SMPD1: variants seen among roughly 807,000 people sequenced by gnomAD.
SMPD1 encodes sphingomyelin phosphodiesterase 1.
A neutral mutation model predicts 49.7 loss-of-function variants in SMPD1; 47 were observed. The observed-to-expected ratio is 0.95, with a 90% CI of 0.75 to 1.21. The LOEUF (loss-of-function observed/expected upper bound fraction) is 1.21. Ranked by LOEUF, SMPD1 falls within the 50% of genes most tolerant of loss-of-function variation. The probability of loss-of-function intolerance (pLI) is 0.00; values close to 1 mark genes in which losing one functional copy is unlikely to be tolerated. For missense variants in SMPD1, 811 were observed against 822.2 expected, an observed-to-expected ratio of 0.99 and a Z score of 0.17; for synonymous variants, 336 against 339.6, an observed-to-expected ratio of 0.99 and a Z score of 0.12.
At chr11:6,392,486 C>CTT (rs754271358) in intron 2 of SMPD1, among the ~76,000 whole-genome samples, 2,831 of 45,720 alleles carry the variant, frequency 0.062, 906 homozygotes, top group Non-Finnish European at 0.074. Flanking sequence ...CTGGCCCTCC[C>CTT]TTTTTTTTTT....
Position 6,390,523 on chromosome 11 carries a change from G to C in SMPD1, c.-76G>C. The C allele has an allele frequency of 6.4e-7, 1 of 1,563,384 alleles. No homozygotes were observed. The highest frequency in any genetic ancestry group is 8.6e-7 in the Non-Finnish European group (1 of 1,156,150). ...AATCGGGTGTCCCCGGCGCCGCCCGGGGCCCTGAGGGCTGGCTAGGGTCCA... is the reference window on the plus strand; with the variant it reads ...AATCGGGTGTCCCCGGCGCCGCCCGCGGCCCTGAGGGCTGGCTAGGGTCCA... On this transcript the variant is annotated 5_prime_UTR_variant, in exon 1 of 6. Coordinates refer to ENST00000342245, the MANE Select transcript of SMPD1 (RefSeq NM_000543.5).
At chr11:6,393,538 C>A in intron 3 of SMPD1, 79 bp from the exon 4 acceptor site, 1 of 1,389,266 alleles carries the variant, frequency 7.2e-7, no homozygotes, top group Non-Finnish European at 1.0e-6. Context: ...TGAAAGCCTT[C>A]ATTCAGTCCC....
chr11:6,390,736 G>A lies in SMPD1; in HGVS notation c.138G>A (p.Ala46=), dbSNP rs200763765. The part of the protein sequence containing the change: ...VLALALALAL[A]LALSDSRVLW... ...CGCTGGCGCTGGCGCTGGCGCTGGC[G>A]CTGGCTCTGTCTGACTCTCGGGTTC... The change falls in exon 1 of 6, where the codon GCG becomes GCA. Residue 46 remains alanine, a synonymous_variant. Transcript: ENST00000342245. 6.6e-7 allele frequency: 1 copy of A among 1,510,794 alleles called. No homozygotes were observed. Among genetic ancestry groups the A allele is most frequent in the Admixed American group, 1.7e-5 (1 of 58,506 alleles). 93.6% of individuals were successfully genotyped at this position (1,510,794 alleles called of 1,614,324 possible). A position where few individuals can be genotyped will look rare whatever the true frequency, so the allele number is the denominator to read the frequency against.
In SMPD1 at chr11:6,391,488, G is replaced by T. The variant is rs1289202083; in HGVS notation, c.423G>T (p.Glu141Asp). The change falls in exon 2 of 6, where the codon GAG (glutamate) becomes GAT (aspartate). Residue 141 changes from glutamate to aspartate, a missense_variant. Transcript: ENST00000342245. ...AVCQSIVHLFEDDMVEVWRRS... is the reference protein window; with the variant it reads ...AVCQSIVHLFDDDMVEVWRRS... ...GCCAATCCATTGTCCACCTCTTTGA[G>T]GATGACATGGTGGAGGTGTGGAGAC... 6.2e-7 allele frequency: 1 copy of T among 1,614,010 alleles called. No homozygotes were observed. Among genetic ancestry groups the T allele is most frequent in the African/African-American group, 1.3e-5 (1 of 75,064 alleles).
chr11:6,392,695 A>G (rs1383190174), intron 2 of SMPD1, among the ~76,000 whole-genome samples: 1 of 149,954 alleles, frequency 6.7e-6, no homozygotes, highest in African/African-American at 2.5e-5. Context: ...GGGTTTCACC[A>G]TGTTGGCCAA....
At position 6,390,884 on chromosome 11, in the gene SMPD1, G is replaced by A; in HGVS notation, c.286G>A (p.Gly96Ser). 1 of 1,614,198 alleles carries A rather than the reference G, an allele frequency of 6.2e-7. No homozygotes were observed. Among genetic ancestry groups the A allele is most frequent in the South Asian group, 1.1e-5 (1 of 91,080 alleles). ...WGNLTCPICK[G>S]LFTAINLGLK... Reference sequence around the variant, plus strand: ...GAACCTCACCTGCCCAATCTGCAAAGGTCTATTCACCGCCATCAACCTCGG... The same window carrying A: ...GAACCTCACCTGCCCAATCTGCAAAAGTCTATTCACCGCCATCAACCTCGG... Residue 96 changes from glycine to serine, a missense_variant, in exon 1 of 6, where the codon GGT (glycine) becomes AGT (serine). Transcript: ENST00000342245.
At position 6,390,724 on chromosome 11, in the gene SMPD1, G is replaced by T. The variant is rs571806745; in HGVS notation, c.126G>T (p.Ala42=). 1 of 1,571,772 alleles carries T rather than the reference G, an allele frequency of 6.4e-7. No homozygotes were observed. The highest frequency in any genetic ancestry group is 8.6e-7 in the Non-Finnish European group (1 of 1,162,064). Residue 42 remains alanine, a synonymous_variant, in exon 1 of 6, where the codon GCG becomes GCT. Coordinates refer to ENST00000342245, the MANE Select transcript of SMPD1 (RefSeq NM_000543.5). ...GCCTGGTGCTGGCGCTGGCGCTGGC[G>T]CTGGCGCTGGCGCTGGCTCTGTCTG... ...WMGLVLALAL[A]LALALALSDS...
Position 6,394,441 on chromosome 11 carries a change from A to T in SMPD1, c.1730A>T (p.His577Leu). The change falls in exon 6 of 6, where the codon CAT becomes CTT. Residue 577 changes from histidine (H) to leucine (L), a missense_variant. Transcript: ENST00000342245. The part of the protein sequence containing the change: ...QLFQTFWFLY[H>L]KGHPPSEPCG... ...TTCCAGACCTTCTGGTTTCTCTACC[A>T]TAAGGGCCACCCACCCTCGGAGCCC... 2.5e-6 allele frequency: 4 copies of T among 1,614,172 alleles called. No homozygotes were observed. The highest frequency in any genetic ancestry group is 1.7e-6 in the Non-Finnish European group (2 of 1,180,016).
At position 6,390,726 on chromosome 11, in the gene SMPD1, TG is replaced by T; in HGVS notation, c.130del (p.Ala44ArgfsTer33). 1 of 1,611,178 alleles carries T rather than the reference TG, an allele frequency of 6.2e-7. No homozygotes were observed. Among genetic ancestry groups the T allele is most frequent in the South Asian group, 1.1e-5 (1 of 90,572 alleles). ...MGLVLALALALALALALSDSR... is the reference protein window; with the variant it reads ...MGLVLALALAXALALALSDSR... ...CTGGTGCTGGCGCTGGCGCTGGCGC[TG>T]GCGCTGGCGCTGGCTCTGTCTGACT... On this transcript the variant is annotated frameshift_variant, in exon 1 of 6. Transcript: ENST00000342245. LOFTEE classifies it high-confidence loss of function.
Position 6,390,620 on chromosome 11 carries a change from C to G in SMPD1, c.22C>G (p.Leu8Val). Residue 8 changes from leucine (L) to valine (V), a missense_variant, in exon 1 of 6, where the codon CTC becomes GTC. Leu to Val is a conservative substitution (Grantham distance 32, BLOSUM62 1). Transcript: ENST00000342245. MPRYGAS[L>V]RQSCPRSGRE... ...GACAATGCCCCGCTACGGAGCGTCA[C>G]TCCGCCAGAGCTGCCCCAGGTCCGG... The G allele has an allele frequency of 1.7e-5, 27 of 1,612,824 alleles. No individual in the cohort carries two copies. Among genetic ancestry groups the G allele is most frequent in the Non-Finnish European group, 2.3e-5 (27 of 1,179,736 alleles).
At position 6,392,165 on chromosome 11, in the gene SMPD1, C is replaced by T. The variant is rs143612450; in HGVS notation, c.1091+9C>T. Reference sequence around the variant, plus strand: ...GCCCTGCGCACCCTCAGGTACTTATCGTCCGTGGAAACCCAGGAAGGGAAA... The same window carrying T: ...GCCCTGCGCACCCTCAGGTACTTATTGTCCGTGGAAACCCAGGAAGGGAAA... On this transcript the variant is annotated intron_variant, in intron 2 of 5. Coordinates refer to ENST00000342245, the MANE Select transcript of SMPD1 (RefSeq NM_000543.5). 1.6e-4 allele frequency: 255 copies of T among 1,614,026 alleles called. No individual in the cohort carries two copies. In the African/African-American group the frequency reaches 3.0e-3, roughly 19 times the overall value.
chr11:6,394,172 C>T, intron 5 of SMPD1, 26 bp from the exon 6 acceptor site: 1 of 1,614,138 alleles, frequency 6.2e-7, no homozygotes, highest in Non-Finnish European at 8.5e-7. Flanking sequence ...CTCCTTGCCC[C>T]TCCAGTCAGC....
At chr11:6,392,993 T>C (rs1056120346) in intron 2 of SMPD1, among the ~76,000 whole-genome samples, 14 of 152,166 alleles carry the variant, frequency 9.2e-5, no homozygotes, top group African/African-American at 3.4e-4. Flanking sequence ...CTTCCCATTC[T>C]AGCTAACTCT....
rs955648611 is a variant in SMPD1 at position 6,393,250 on chromosome 11, G to A, written c.1126G>A (p.Gly376Ser). 3.2e-5 allele frequency: 52 copies of A among 1,613,770 alleles called. No individual in the cohort carries two copies. The highest frequency in any genetic ancestry group is 1.6e-4 in the Middle Eastern group (1 of 6,082). The change falls in exon 3 of 6, where the codon GGT (glycine) becomes AGT (serine). Residue 376 changes from glycine (G) to serine (S), a missense_variant. Gly to Ser is a moderately conservative substitution (Grantham distance 56). Coordinates refer to ENST00000342245, the MANE Select transcript of SMPD1 (RefSeq NM_000543.5). ...GGFYALSPYP[G>S]LRLISLNMNF... The stretch of plus-strand genomic sequence containing the variant: ...GTTCTATGCTCTTTCCCCATACCCC[G>A]GTCTCCGCCTCATCTCTCTCAATAT...
rs1349063860 is a variant in SMPD1 at position 6,392,065 on chromosome 11, A to G, written c.1000A>G (p.Ile334Val). 6.2e-7 allele frequency: 1 copy of G among 1,613,866 alleles called. No individual in the cohort carries two copies. Among genetic ancestry groups the G allele is most frequent in the South Asian group, 1.1e-5 (1 of 91,062 alleles). The change falls in exon 2 of 6, where the codon ATT (isoleucine) becomes GTT (valine). Residue 334 changes from isoleucine (I) to valine (V), a missense_variant. Ile to Val is a conservative substitution (Grantham distance 29, BLOSUM62 3). Transcript: ENST00000342245. ...TGTCAATAGCTTCCCTCCCCCCTTC[A>G]TTGAGGGCAACCACTCCTCCCGCTG... ...TPVNSFPPPF[I>V]EGNHSSRWLY... is the part of the protein sequence containing the mutation.
In SMPD1 at chr11:6,390,678, C is replaced by G. The variant is rs755490852; in HGVS notation, c.80C>G (p.Ala27Gly). The G allele has an allele frequency of 4.2e-5, 67 of 1,611,356 alleles. 1 individual carries two copies. The highest frequency in any genetic ancestry group is 1.1e-5 in the South Asian group (1 of 90,834). The change falls in exon 1 of 6, where the codon GCC (alanine) becomes GGC (glycine). Residue 27 changes from alanine (A) to glycine (G), a missense_variant. Physicochemically the swap from Ala to Gly is moderately conservative, Grantham distance 60. Transcript: ENST00000342245. ...REQGQDGTAG[A>G]PGLLWMGLVL... ...CAGGGACAAGACGGGACCGCCGGAGCCCCCGGACTCCTTTGGATGGGCCTG... is the reference window on the plus strand; with the variant it reads ...CAGGGACAAGACGGGACCGCCGGAGGCCCCGGACTCCTTTGGATGGGCCTG...
intron 2 of SMPD1, 85 bp from the exon 3 acceptor site, chr11:6,393,131 A>T (rs1315491644): frequency 1.8e-6 from 2 of 1,137,284 alleles, no homozygotes; most frequent in African/African-American, 3.0e-5. Flanking sequence ...GATGTCATGT[A>T]TGCTTTTACC....
At position 6,391,775 on chromosome 11, in the gene SMPD1, C is replaced by T; in HGVS notation, c.710C>T (p.Pro237Leu). 3 of 1,612,312 alleles carry T rather than the reference C, an allele frequency of 1.9e-6. No homozygotes were observed. Among genetic ancestry groups the T allele is most frequent in the Non-Finnish European group, 2.5e-6 (3 of 1,180,028 alleles). ...LCCRRGSGLP[P>L]ASRPGAGYWG... ...TGCCGCCGGGGTTCTGGCCTGCCGCCCGCATCCCGGCCAGGTGCCGGATAC... is the reference window on the plus strand; with the variant it reads ...TGCCGCCGGGGTTCTGGCCTGCCGCTCGCATCCCGGCCAGGTGCCGGATAC... Residue 237 changes from proline (P) to leucine (L), a missense_variant, in exon 2 of 6, where the codon CCC (proline) becomes CTC (leucine). By Grantham distance (98) the Pro-to-Leu change is moderately conservative. Coordinates refer to ENST00000342245, the MANE Select transcript of SMPD1 (RefSeq NM_000543.5).
chr11:6,394,454 A>C lies in SMPD1; in HGVS notation c.1743A>C (p.Pro581=). 1.9e-6 allele frequency: 3 copies of C among 1,613,890 alleles called. No homozygotes were observed. Among genetic ancestry groups the C allele is most frequent in the South Asian group, 2.2e-5 (2 of 91,076 alleles). Residue 581 remains proline, a synonymous_variant, in exon 6 of 6, where the codon CCA becomes CCC. Coordinates refer to ENST00000342245, the MANE Select transcript of SMPD1 (RefSeq NM_000543.5). ...TFWFLYHKGH[P]PSEPCGTPCR... ...GGTTTCTCTACCATAAGGGCCACCC[A>C]CCCTCGGAGCCCTGTGGCACGCCCT...
Sources: gnomAD v4.1 joint callset for allele counts (sites outside exome capture counted in the v4.1 genomes callset) on GRCh38, gnomAD v4.1.1 for gene constraint, MANE v1.5 for transcripts, NCBI Gene and HGNC (gene_info 2026-07-23, HGNC 2026-07-21) for gene names.